Variants in FBXO31 observed in about 807,000 individuals in gnomAD.
FBXO31 encodes F-box only protein 31.
Under a neutral mutation model 54.4 loss-of-function variants are expected in FBXO31, and 24 were observed. The ratio of observed to expected loss-of-function variants is 0.44; its 90% confidence interval spans 0.32 to 0.62. FBXO31 has a LOEUF of 0.62. Among genes scored for constraint, FBXO31 ranks in the 20% least tolerant of loss-of-function variants. The pLI is 0.05. For missense variants in FBXO31, 665 were observed against 787.1 expected, an observed-to-expected ratio of 0.84 and a Z score of 1.86; for synonymous variants, 388 against 335.6, an observed-to-expected ratio of 1.16 and a Z score of -1.71.
intron 5 of FBXO31, among the ~76,000 whole-genome samples, chr16:87,342,288 T>C (rs1905218887): frequency 6.6e-6 from 1 of 152,094 alleles, no homozygotes; most frequent in African/African-American, 2.4e-5. Flanking sequence ...CTCCTGACTT[T>C]AAGTGATCCT....
At chr16:87,363,142 T>C (rs1367095165) in intron 1 of FBXO31, among the ~76,000 whole-genome samples, 2 of 151,848 alleles carry the variant, frequency 1.3e-5, no homozygotes, top group Admixed American at 6.6e-5. Context: ...CCCACCACTT[T>C]GGGAGGTCGA....
At chr16:87,333,375 G>T (rs1904930048) in intron 8 of FBXO31, among the ~76,000 whole-genome samples, 1 of 152,164 alleles carries the variant, frequency 6.6e-6, no homozygotes, top group Admixed American at 6.5e-5. Context: ...GAGGGGGCAG[G>T]AAAGCAGGAC....
chr16:87,388,516 A>G (rs1907404069), upstream of FBXO31, among the ~76,000 whole-genome samples: 1 of 152,198 alleles, frequency 6.6e-6, no homozygotes. Context: ...AGAGGAGAGG[A>G]GGGAGAGGCC....
chr16:87,332,435 G>A (rs1341345917), intron 8 of FBXO31, among the ~76,000 whole-genome samples: 3 of 152,238 alleles, frequency 2.0e-5, no homozygotes, highest in South Asian at 4.1e-4. Context: ...CTCGCAAACT[G>A]GCTCTGAGCC....
At chr16:87,363,127 G>A (rs1310560965) in intron 1 of FBXO31, among the ~76,000 whole-genome samples, 1 of 150,552 alleles carries the variant, frequency 6.6e-6, no homozygotes, top group Non-Finnish European at 1.5e-5. Flanking sequence ...GCTCATGCCT[G>A]TAATCCCACC....
chr16:87,372,898 C>T lies in FBXO31; in HGVS notation c.340+10507G>A, dbSNP rs141707986. The stretch of plus-strand genomic sequence containing the variant: ...ACTACAGGCACGCCACCACACCCCA[C>T]TAATTTTTGTACTTTCTGTAGAGAC... On this transcript the variant is annotated intron_variant, in intron 1 of 8. Transcript: ENST00000311635. 6.6e-3 allele frequency among the ~76,000 whole-genome samples: 1,008 copies of T among 151,784 alleles called. 10 individuals carry two copies. Among genetic ancestry groups the T allele is most frequent in the African/African-American group, 0.023 (940 of 41,436 alleles).
chr16:87,385,396 T>TGCA, upstream of FBXO31, among the ~76,000 whole-genome samples: 2 of 151,060 alleles, frequency 1.3e-5, no homozygotes, highest in Middle Eastern at 3.4e-3. Flanking sequence ...AGGCAGAGCT[T>TGCA]GCAGTGAGCC....
At chr16:87,359,825 T>G (rs1311302445) in intron 2 of FBXO31, among the ~76,000 whole-genome samples, 1 of 152,050 alleles carries the variant, frequency 6.6e-6, no homozygotes, top group Non-Finnish European at 1.5e-5. Flanking sequence ...CAGAGAAACA[T>G]GAAACGGGGC....
At chr16:87,375,271 C>T (rs991231720) in intron 1 of FBXO31, among the ~76,000 whole-genome samples, 3 of 152,120 alleles carry the variant, frequency 2.0e-5, no homozygotes, top group African/African-American at 4.8e-5. Context: ...CGCGCCACTG[C>T]ACTCCAGCCT....
At chr16:87,359,771 C>T (rs1303616515) in intron 2 of FBXO31, among the ~76,000 whole-genome samples, 3 of 152,292 alleles carry the variant, frequency 2.0e-5, no homozygotes, top group Admixed American at 2.0e-4. Flanking sequence ...GGAGCCTCTG[C>T]CTGATCGGTG....
chr16:87,381,470 T>C (rs1907073927), intron 1 of FBXO31, among the ~76,000 whole-genome samples: 1 of 152,092 alleles, frequency 6.6e-6, no homozygotes, highest in Non-Finnish European at 1.5e-5. Flanking sequence ...CAACAGGACT[T>C]GGGAAGGTGA....
intron 1 of FBXO31, among the ~76,000 whole-genome samples, chr16:87,379,010 T>C (rs1311500612): frequency 1.3e-5 from 2 of 151,350 alleles, no homozygotes; most frequent in Non-Finnish European, 2.9e-5. Flanking sequence ...GATATAGATA[T>C]ATATGTATCC....
At chr16:87,382,485 G>A (rs1907121664) in intron 1 of FBXO31, among the ~76,000 whole-genome samples, 1 of 152,176 alleles carries the variant, frequency 6.6e-6, no homozygotes, top group Non-Finnish European at 1.5e-5. Context: ...TTGAACTCCA[G>A]ATTAAATAAA....
chr16:87,385,557 A>C (rs1359192148), upstream of FBXO31, among the ~76,000 whole-genome samples: 1 of 152,246 alleles, frequency 6.6e-6, no homozygotes, highest in Admixed American at 6.5e-5. Flanking sequence ...ATAAATTATA[A>C]ATTGTAATGC....
intron 5 of FBXO31, among the ~76,000 whole-genome samples, chr16:87,341,655 CAAAAAAA>C (rs397854967): frequency 1.1e-4 from 8 of 70,656 alleles, no homozygotes; most frequent in East Asian, 5.7e-4. Flanking sequence ...GACTCCGTCT[CAAAAAAA>C]AAAAAAAAAA....
intron 2 of FBXO31, among the ~76,000 whole-genome samples, chr16:87,356,362 G>C (rs1905891845): frequency 1.3e-5 from 2 of 152,164 alleles, no homozygotes; most frequent in Admixed American, 1.3e-4. Context: ...ACTGCTCAGA[G>C]GAAGGGCTGG....
upstream of FBXO31, among the ~76,000 whole-genome samples, chr16:87,385,027 CA>C (rs1907277786): frequency 4.0e-4 from 61 of 151,690 alleles, no homozygotes; most frequent in Admixed American, 3.1e-3. Context: ...AACAAACAAA[CA>C]AACCACACAG....
chr16:87,390,314 A>C (rs1907481412), upstream of FBXO31, among the ~76,000 whole-genome samples: 1 of 152,226 alleles, frequency 6.6e-6, no homozygotes, highest in South Asian at 2.1e-4. Flanking sequence ...CAGTGGTGTA[A>C]TAAAGAACTA....
chr16:87,327,008 T>C lies in FBXO31; in HGVS notation c.*4280A>G, dbSNP rs1904667788. On this transcript the variant is annotated 3_prime_UTR_variant, in exon 9 of 9. Transcript: ENST00000311635. ...AACAAGCCTTCAAAAACGGATTTAC[T>C]TGAAACTGTGAGGAGAAACAAGTGC... is the stretch of plus-strand genomic sequence containing the variant. 6.6e-6 allele frequency: 1 copy of C among 152,350 alleles called. No homozygotes were observed. The highest frequency in any genetic ancestry group is 2.4e-5 in the African/African-American group (1 of 41,464). 9.4% of individuals were successfully genotyped at this position (152,350 alleles called of 1,614,324 possible).
Sources: gnomAD v4.1 joint callset for allele counts (sites outside exome capture counted in the v4.1 genomes callset) on GRCh38, gnomAD v4.1.1 for gene constraint, MANE v1.5 for transcripts, NCBI Gene and HGNC (gene_info 2026-07-23, HGNC 2026-07-21) for gene names.